Variants in CD84 observed in about 807,000 individuals in gnomAD.
CD84 encodes the protein CD84 molecule, also known as SLAM family member 5.
Under a neutral mutation model 33.8 loss-of-function variants are expected in CD84, and 22 were observed. That is an observed-to-expected ratio of 0.65 (90% CI 0.46 to 0.93). The LOEUF is 0.93. Among genes scored for constraint, CD84 ranks in the 40% least tolerant of loss-of-function variants. CD84 has a pLI of 0.00. For missense variants in CD84, 400 were observed against 397.6 expected, an observed-to-expected ratio of 1.01 and a Z score of -0.05; for synonymous variants, 154 against 145.2, an observed-to-expected ratio of 1.06 and a Z score of -0.44.
rs1016308557 is a variant in CD84, at chr1:160,565,741, C to T, written c.51G>A (p.Pro17=). The T allele has an allele frequency of 7.5e-6, 12 of 1,598,238 alleles. No homozygotes were observed. Among genetic ancestry groups the T allele is most frequent in the Non-Finnish European group, 1.0e-5 (12 of 1,172,614 alleles). Residue 17 remains proline (P), a synonymous_variant, in exon 2 of 7, where the codon CCG becomes CCA. Transcript: ENST00000368054. The part of the protein sequence containing the change: ...WILLLCLQTW[P]EAAGKDSEIF... The stretch of plus-strand genomic sequence containing the variant: ...TTTCTGAGTCTTTTCCAGCTGCTTC[C>T]GGCCCTGAGAACATAAAAAGAAAAC...
chr1:160,553,744 C>T, intron 3 of CD84, 151 bp downstream of exon 3: 2 of 1,284,540 alleles, frequency 1.6e-6, no homozygotes, highest in Non-Finnish European at 2.1e-6. Context: ...GGCCTCTTTC[C>T]CAGTAGGCTT....
In CD84 at chr1:160,553,960, G is replaced by A. The variant is rs146076557; in HGVS notation, c.575C>T (p.Thr192Met). 106 of 1,614,198 alleles carry A rather than the reference G, an allele frequency of 6.6e-5. No individual in the cohort carries two copies. Among genetic ancestry groups the A allele is most frequent in the Admixed American group, 2.5e-4 (15 of 60,032 alleles). ...QTPEDQELTY[T>M]CTAQNPVSNN... ...GCTGACAGGGTTCTGGGCTGTACAC[G>A]TGTAAGTCAGCTCTTGGTCCTCAGG... The change falls in exon 3 of 7, where the codon ACG becomes ATG. Residue 192 changes from threonine to methionine, a missense_variant. Thr to Met is a moderately conservative substitution (Grantham distance 81). Coordinates refer to ENST00000368054, the MANE Select transcript of CD84 (RefSeq NM_003874.4).
At position 160,543,013 on chromosome 1, in the gene CD84, C is replaced by G. The variant is rs1655620909; in HGVS notation, c.*5243G>C. ...TGTGATTTTTAGTAGTGGAAATTTA[C>G]AGTTTCTCTTATTTTATATTAACTC... On this transcript the variant is annotated 3_prime_UTR_variant, in exon 7 of 7. Coordinates refer to ENST00000368054, the MANE Select transcript of CD84 (RefSeq NM_003874.4). 6.6e-6 allele frequency: 1 copy of G among 151,892 alleles called. No homozygotes were observed. The highest frequency in any genetic ancestry group is 6.6e-5 in the Admixed American group (1 of 15,232). The allele number at this position is 151,892 out of a possible 1,614,324, so 9.4% of individuals were successfully genotyped here.
intron 1 of CD84, among the ~76,000 whole-genome samples, chr1:160,576,049 A>G (rs1374857348): frequency 2.0e-5 from 3 of 152,138 alleles, no homozygotes. Flanking sequence ...CCTTTTCTGA[A>G]TGTCTGTGGT....
chr1:160,564,555 A>G (rs1450463445), intron 2 of CD84, among the ~76,000 whole-genome samples: 1 of 152,256 alleles, frequency 6.6e-6, no homozygotes, highest in Non-Finnish European at 1.5e-5. Flanking sequence ...TAGTGCATCC[A>G]TACCGTGGAA....
At chr1:160,555,183 C>A (rs1194245753) in intron 2 of CD84, among the ~76,000 whole-genome samples, 1 of 151,386 alleles carries the variant, frequency 6.6e-6, no homozygotes, top group Non-Finnish European at 1.5e-5. Context: ...TGGGTTCAAG[C>A]CATTCTCCTG....
At chr1:160,553,069 G>A (rs1263610723) in intron 4 of CD84, 2 of 565,456 alleles carry the variant, frequency 3.5e-6, no homozygotes, top group Non-Finnish European at 6.4e-6. Context: ...TTTCACATGT[G>A]AGGGCCCTGA....
chr1:160,548,040 A>T lies in CD84; in HGVS notation c.*216T>A. 1 of 584,458 alleles carries T rather than the reference A, an allele frequency of 1.7e-6. No homozygotes were observed. Among genetic ancestry groups the T allele is most frequent in the South Asian group, 2.0e-5 (1 of 49,822 alleles). 36.2% of individuals were successfully genotyped at this position (584,458 alleles called of 1,614,324 possible). On this transcript the variant is annotated 3_prime_UTR_variant, in exon 7 of 7. Coordinates refer to ENST00000368054, the MANE Select transcript of CD84 (RefSeq NM_003874.4). ...TACTAGGTAACCTGCTTTGTCATTC[A>T]TTCAGAAGGGAGTCATTTCAGGAAG...
At chr1:160,556,180 T>G (rs1194344760) in intron 2 of CD84, among the ~76,000 whole-genome samples, 3 of 152,198 alleles carry the variant, frequency 2.0e-5, no homozygotes, top group African/African-American at 7.2e-5. Context: ...CTCACTTTTC[T>G]CAGCAGGAAC....
chr1:160,550,491 A>G (rs1293954203), intron 5 of CD84: 8 of 356,474 alleles, frequency 2.2e-5, no homozygotes, highest in Non-Finnish European at 3.1e-5. Flanking sequence ...GTCTGAGGAA[A>G]GCAAGCCGCT....
At chr1:160,553,839 C>T (rs770050035) in intron 3 of CD84, 56 bp downstream of exon 3, 19 of 1,612,678 alleles carry the variant, frequency 1.2e-5, no homozygotes, top group Middle Eastern at 1.6e-4. Flanking sequence ...TCAGACCTTG[C>T]AGCTCCTCAG....
At chr1:160,573,367 A>C (rs1160681942) in intron 1 of CD84, among the ~76,000 whole-genome samples, 1 of 152,092 alleles carries the variant, frequency 6.6e-6, no homozygotes, top group Non-Finnish European at 1.5e-5. Context: ...TTCTATTAAA[A>C]ATGAACACAG....
intron 1 of CD84, 84 bp from the exon 2 acceptor site, chr1:160,565,829 A>AG: frequency 1.7e-6 from 2 of 1,149,772 alleles, no homozygotes; most frequent in Non-Finnish European, 2.4e-6. Flanking sequence ...GAGCTCCCTG[A>AG]GGAGCTGCCA....
intron 2 of CD84, among the ~76,000 whole-genome samples, chr1:160,564,250 C>T (rs571761529): frequency 2.0e-5 from 3 of 152,142 alleles, no homozygotes; most frequent in Admixed American, 2.0e-4. Flanking sequence ...CACTGCACAC[C>T]CATCAGAATG....
chr1:160,549,876 A>C, intron 6 of CD84, 41 bp downstream of exon 6: 4 of 1,463,540 alleles, frequency 2.7e-6, no homozygotes, highest in African/African-American at 1.4e-5. Flanking sequence ...AATGGCTGGA[A>C]GAGTTAGGAA....
At chr1:160,559,172 C>T (rs1239129677) in intron 2 of CD84, among the ~76,000 whole-genome samples, 3 of 152,016 alleles carry the variant, frequency 2.0e-5, no homozygotes, top group South Asian at 2.1e-4. Flanking sequence ...CCCCAGGACA[C>T]GTAATCATCA....
At chr1:160,563,887 A>C (rs749138013) in intron 2 of CD84, among the ~76,000 whole-genome samples, 33 of 152,190 alleles carry the variant, frequency 2.2e-4, no homozygotes, top group Non-Finnish European at 4.4e-4. Flanking sequence ...CAAGAGCTGC[A>C]TGTGTCTAGA....
chr1:160,550,481 G>T, intron 5 of CD84: 1 of 283,936 alleles, frequency 3.5e-6, no homozygotes, highest in Non-Finnish European at 5.3e-6. Context: ...GTGACTCTGA[G>T]TCTGAGGAAA....
At chr1:160,548,473 T>A in intron 6 of CD84, 152 bp from the exon 7 acceptor site, 1 of 741,238 alleles carries the variant, frequency 1.3e-6, no homozygotes, top group Non-Finnish European at 2.3e-6. Flanking sequence ...CAGGGCCTTG[T>A]TCTTTGCTGA....
Sources: allele counts gnomAD v4.1 joint callset (sites outside exome capture counted in the v4.1 genomes callset), GRCh38; gene constraint gnomAD v4.1.1; transcripts MANE v1.5; gene names NCBI Gene and HGNC (gene_info 2026-07-23, HGNC 2026-07-21).